Variants in RBMS3 observed in about 807,000 individuals in gnomAD.
RBMS3 encodes the protein RNA binding motif single stranded interacting protein 3.
In RBMS3, 27 loss-of-function variants were observed where a neutral mutation model predicts 66.8. The observed-to-expected ratio is 0.40, with a 90% CI of 0.30 to 0.56. The LOEUF is 0.56. Among genes scored for constraint, RBMS3 ranks in the 20% least tolerant of loss-of-function variants. The pLI, the probability that RBMS3 is intolerant of heterozygous loss-of-function variation, is 0.40. For missense variants in RBMS3, 513 were observed against 549.5 expected (o/e 0.93, Z 0.66); for synonymous variants, 188 against 183.0 (o/e 1.03, Z -0.22).
chr3:29,567,366 T>C (rs1271488163), intron 3 of RBMS3, among the ~76,000 whole-genome samples: 3 of 152,194 alleles, frequency 2.0e-5, no homozygotes, highest in Non-Finnish European at 1.5e-5. Flanking sequence ...TATGTAAAAA[T>C]TGGTGGTAGA....
chr3:29,829,444 A>G (rs2058303698), intron 6 of RBMS3, among the ~76,000 whole-genome samples: 1 of 152,076 alleles, frequency 6.6e-6, no homozygotes, highest in Non-Finnish European at 1.5e-5. Context: ...AAATAGATAT[A>G]TTTTCCATCT....
intron 6 of RBMS3, among the ~76,000 whole-genome samples, chr3:29,829,698 GTC>G (rs1409413265): frequency 2.6e-5 from 4 of 152,116 alleles, no homozygotes; most frequent in African/African-American, 4.8e-5. Flanking sequence ...GAAACCTTGA[GTC>G]TGACAAAGAT....
intron 6 of RBMS3, among the ~76,000 whole-genome samples, chr3:29,793,850 C>G (rs956041392): frequency 3.3e-5 from 5 of 152,168 alleles, no homozygotes; most frequent in Non-Finnish European, 7.4e-5. Flanking sequence ...ATTCCCATTG[C>G]TGGAGGTGGA....
intron 4 of RBMS3, among the ~76,000 whole-genome samples, chr3:29,703,140 T>C (rs2052708018): frequency 6.6e-6 from 1 of 152,250 alleles, no homozygotes; most frequent in Non-Finnish European, 1.5e-5. Flanking sequence ...TACATTTAAG[T>C]ACAATGAAAC....
intron 1 of RBMS3, among the ~76,000 whole-genome samples, chr3:29,425,188 C>A (rs1457678502): frequency 1.2e-5 from 1 of 85,072 alleles, no homozygotes; most frequent in Non-Finnish European, 2.3e-5. Context: ...CTAAAAAATA[C>A]CAAAAAAAAA....
At chr3:29,971,338 T>G (rs1425145008) in intron 12 of RBMS3, among the ~76,000 whole-genome samples, 1 of 152,130 alleles carries the variant, frequency 6.6e-6, no homozygotes, top group Non-Finnish European at 1.5e-5. Flanking sequence ...CTTATACATT[T>G]GGTATCCTGC....
At chr3:29,353,028 T>C (rs2037012143) in intron 1 of RBMS3, among the ~76,000 whole-genome samples, 1 of 151,984 alleles carries the variant, frequency 6.6e-6, no homozygotes. Context: ...ACTTAATACG[T>C]TTAAATGGCA....
chr3:29,881,395 A>T (rs1198441535), intron 7 of RBMS3, among the ~76,000 whole-genome samples: 1 of 152,128 alleles, frequency 6.6e-6, no homozygotes, highest in Admixed American at 6.6e-5. Flanking sequence ...TACAAACGTA[A>T]TCTCTTTTAA....
intron 6 of RBMS3, among the ~76,000 whole-genome samples, chr3:29,795,499 C>T (rs1559679755): frequency 6.6e-6 from 1 of 152,156 alleles, no homozygotes; most frequent in Non-Finnish European, 1.5e-5. Context: ...TTTCCCCACA[C>T]CAGAGCATCA....
Position 29,535,710 on chromosome 3 carries a change from C to CTTTTTTTTTT in RBMS3, c.307+47233_307+47242dup, listed in dbSNP as rs149022808. On this transcript the variant is annotated intron_variant, in intron 3 of 14. Transcript: ENST00000383767. ...GAGTTCAATGATTGAGATCATTGCTCTTTTTTTTTTTTTTTTTTTTTTTTT... is the reference window on the plus strand; with the variant it reads ...GAGTTCAATGATTGAGATCATTGCTCTTTTTTTTTTTTTTTTTTTTTTTTTTTTTTTTTTT... Among the ~76,000 whole-genome samples the CTTTTTTTTTT allele has an allele frequency of 4.5e-3, 179 of 39,750 alleles. 59 individuals carry two copies. Among genetic ancestry groups the CTTTTTTTTTT allele is most frequent in the East Asian group, 7.2e-3 (8 of 1,116 alleles). 26.1% of individuals were successfully genotyped at this position (39,750 alleles called of 152,430 possible).
At chr3:29,996,257 G>T (rs1195929286) in intron 14 of RBMS3, among the ~76,000 whole-genome samples, 1 of 151,762 alleles carries the variant, frequency 6.6e-6, no homozygotes, top group African/African-American at 2.4e-5. Context: ...GGAGCACCAA[G>T]ATTCATAAAG....
At chr3:29,358,536 G>T (rs1447473365) in intron 1 of RBMS3, among the ~76,000 whole-genome samples, 7 of 151,746 alleles carry the variant, frequency 4.6e-5, no homozygotes, top group South Asian at 2.1e-4. Context: ...CAGGCTCTTT[G>T]TTGGTTCCAT....
Position 29,884,737 on chromosome 3 carries a change from T to A in RBMS3, c.791+529T>A, listed in dbSNP as rs374864021. 6.6e-5 allele frequency among the ~76,000 whole-genome samples: 10 copies of A among 152,008 alleles called. No homozygotes were observed. The East Asian group carries it at 1.2e-3, about 18-fold the overall frequency. On this transcript the variant is annotated intron_variant, in intron 8 of 14. Coordinates refer to ENST00000383767, the MANE Select transcript of RBMS3 (RefSeq NM_001003793.3). ...AAGTCATATAGCTTAAACTTCCTCC[T>A]CTGAAAAACAAGTGTGAAACTACAT...
At chr3:29,680,617 TATTATAAAATTCCCA>T (rs2051445951) in intron 4 of RBMS3, among the ~76,000 whole-genome samples, 1 of 152,218 alleles carries the variant, frequency 6.6e-6, no homozygotes, top group Admixed American at 6.5e-5. Context: ...CCTAACATTT[TATTATAAAATTCCCA>T]AATACAATCA....
intron 6 of RBMS3, among the ~76,000 whole-genome samples, chr3:29,810,059 T>G (rs2057685636): frequency 1.3e-5 from 2 of 152,104 alleles, no homozygotes; most frequent in Admixed American, 1.3e-4. Context: ...TTTAAATAGG[T>G]CATTATGGTT....
At chr3:29,728,059 A>G (rs1316877040) in intron 4 of RBMS3, among the ~76,000 whole-genome samples, 1 of 152,196 alleles carries the variant, frequency 6.6e-6, no homozygotes, top group African/African-American at 2.4e-5. Flanking sequence ...CTTTGCGGGG[A>G]CATGGATGAA....
chr3:29,897,292 T>G, intron 8 of RBMS3, 87 bp from the exon 9 acceptor site: 1 of 1,185,722 alleles, frequency 8.4e-7, no homozygotes, highest in Non-Finnish European at 1.3e-6. Context: ...TGGAAATATG[T>G]CTTTCCCATA....
chr3:29,990,483 A>G (rs1698780000), intron 13 of RBMS3, among the ~76,000 whole-genome samples: 2 of 132,388 alleles, frequency 1.5e-5, no homozygotes, highest in African/African-American at 5.5e-5. Context: ...AAAAAAAAAA[A>G]TAGGGTGAAG....
At chr3:29,629,003 G>A (rs1468981105) in intron 4 of RBMS3, among the ~76,000 whole-genome samples, 1 of 151,914 alleles carries the variant, frequency 6.6e-6, no homozygotes, top group Non-Finnish European at 1.5e-5. Flanking sequence ...ATGTCTCTGG[G>A]GTTTTCTTCC....
Sources: gnomAD v4.1 joint callset for allele counts (sites outside exome capture counted in the v4.1 genomes callset) on GRCh38, gnomAD v4.1.1 for gene constraint, MANE v1.5 for transcripts, NCBI Gene and HGNC (gene_info 2026-07-23, HGNC 2026-07-21) for gene names.